Variants in CYP3A7 observed in about 807,000 individuals in gnomAD.
CYP3A7 encodes the protein cytochrome P450 family 3 subfamily A member 7.
In CYP3A7, 45 loss-of-function variants were observed where a neutral mutation model predicts 55.2. The observed-to-expected ratio is 0.82, with a 90% CI of 0.64 to 1.05. CYP3A7 has a LOEUF of 1.05. Ranked by LOEUF, CYP3A7 falls within the 50% of genes least tolerant of loss-of-function variation. The pLI, the probability that CYP3A7 is intolerant of heterozygous loss-of-function variation, is 0.00. For missense variants in CYP3A7, 548 were observed against 605.3 expected (o/e 0.91, Z 0.99); for synonymous variants, 180 against 207.4 (o/e 0.87, Z 1.13).
At chr7:99,716,036 G>A (rs1813933450) in intron 6 of CYP3A7, 130 bp from the exon 7 acceptor site, 1 of 1,559,410 alleles carries the variant, frequency 6.4e-7, no homozygotes. Context: ...ACTATTTACT[G>A]GAGCATCTCC....
intron 4 of CYP3A7, among the ~76,000 whole-genome samples, chr7:99,719,124 GTTTA>G (rs1053037815): frequency 2.0e-5 from 3 of 152,186 alleles, no homozygotes; most frequent in African/African-American, 7.2e-5. Flanking sequence ...ATAACAGCAT[GTTTA>G]TTTATAGACA....
chr7:99,735,081 G>T lies in CYP3A7; in HGVS notation c.13C>A (p.Pro5Thr). ...AGCCAGGTTTCCACGGCCAAGTTTG[G>T]GATGAGATCCATCACTACTTTCCTT... MDLIPNLAVETWLLL... is the reference protein window; with the variant it reads MDLITNLAVETWLLL... The change falls in exon 1 of 13, where the codon CCA (proline) becomes ACA (threonine). Residue 5 changes from proline to threonine, a missense_variant. Transcript: ENST00000336374. 2.5e-6 allele frequency: 4 copies of T among 1,614,022 alleles called. No individual in the cohort carries two copies. Among genetic ancestry groups the T allele is most frequent in the Non-Finnish European group, 3.4e-6 (4 of 1,179,946 alleles).
At chr7:99,721,663 G>T (rs1398135554) in intron 3 of CYP3A7, among the ~76,000 whole-genome samples, 1 of 152,166 alleles carries the variant, frequency 6.6e-6, no homozygotes, top group African/African-American at 2.4e-5. Flanking sequence ...GGTGACATAT[G>T]GGATCCTTGG....
chr7:99,729,683 A>G (rs776198042), intron 2 of CYP3A7, among the ~76,000 whole-genome samples: 12 of 152,198 alleles, frequency 7.9e-5, no homozygotes, highest in Non-Finnish European at 8.8e-5. Flanking sequence ...ACCTGGTGAC[A>G]TTCTTCTCTG....
chr7:99,708,065 C>G (rs1813590465), intron 11 of CYP3A7, 91 bp from the exon 12 acceptor site: 3 of 1,564,600 alleles, frequency 1.9e-6, no homozygotes. Flanking sequence ...GCCCACCCCT[C>G]TACTAGCAGT....
At chr7:99,729,925 G>A (rs182062370) in intron 2 of CYP3A7, among the ~76,000 whole-genome samples, 63 of 152,258 alleles carry the variant, frequency 4.1e-4, no homozygotes, top group African/African-American at 1.5e-3. Flanking sequence ...TCACACGGAC[G>A]CATGTGAAAG....
chr7:99,710,999 T>G (rs1220328179), intron 9 of CYP3A7, 107 bp from the exon 10 acceptor site: 2 of 1,573,612 alleles, frequency 1.3e-6, no homozygotes, highest in African/African-American at 2.7e-5. Flanking sequence ...GGGGAAAAAA[T>G]AGAAAAGCAA....
At chr7:99,733,679 T>C (rs189178773) in intron 1 of CYP3A7, among the ~76,000 whole-genome samples, 43 of 152,280 alleles carry the variant, frequency 2.8e-4, no homozygotes, top group African/African-American at 8.9e-4. Context: ...GTCCTTCAAG[T>C]GACCTCCACT....
At chr7:99,710,971 G>A in intron 9 of CYP3A7, 79 bp from the exon 10 acceptor site, 4 of 1,606,688 alleles carry the variant, frequency 2.5e-6, no homozygotes, top group East Asian at 4.5e-5. Flanking sequence ...AAATCTAAGT[G>A]GAACCTTCAA....
At chr7:99,731,284 A>T (rs1453191063) in intron 1 of CYP3A7, 132 bp from the exon 2 acceptor site, 1 of 979,592 alleles carries the variant, frequency 1.0e-6, no homozygotes, top group African/African-American at 1.7e-5. Flanking sequence ...AATAACAGTA[A>T]CTCTGACGGC....
intron 3 of CYP3A7, among the ~76,000 whole-genome samples, chr7:99,722,082 T>C (rs1814224148): frequency 6.6e-6 from 1 of 152,210 alleles, no homozygotes; most frequent in Non-Finnish European, 1.5e-5. Flanking sequence ...TTTACCTCCC[T>C]GAATTTGCAC....
At chr7:99,728,265 C>G (rs1814490446) in intron 2 of CYP3A7, among the ~76,000 whole-genome samples, 1 of 152,200 alleles carries the variant, frequency 6.6e-6, no homozygotes, top group Admixed American at 6.5e-5. Flanking sequence ...CCTCCTAGAA[C>G]TTCTCATTTC....
At chr7:99,728,870 G>A (rs999854368) in intron 2 of CYP3A7, among the ~76,000 whole-genome samples, 1 of 151,944 alleles carries the variant, frequency 6.6e-6, no homozygotes, top group African/African-American at 2.4e-5. Flanking sequence ...TAGCATTACA[G>A]ATACATCACA....
In CYP3A7 at chr7:99,709,033, A is replaced by G. The variant is rs1185536107; in HGVS notation, c.1253+2T>C. On this transcript the variant is annotated splice_donor_variant, in intron 11 of 12. Transcript: ENST00000336374. LOFTEE classifies it high-confidence loss of function. Reference sequence around the variant, plus strand: ...AGGGCTCCCTTCCCAGGGGCCTCCTACCTTTCAGGGAGGAACTTCTCAGGC... The same window carrying G: ...AGGGCTCCCTTCCCAGGGGCCTCCTGCCTTTCAGGGAGGAACTTCTCAGGC... The G allele has an allele frequency of 6.2e-7, 1 of 1,613,904 alleles. No individual in the cohort carries two copies. The highest frequency in any genetic ancestry group is 2.2e-5 in the East Asian group (1 of 44,856).
intron 2 of CYP3A7, among the ~76,000 whole-genome samples, chr7:99,726,511 A>T (rs1341380839): frequency 1.3e-5 from 2 of 152,086 alleles, no homozygotes; most frequent in Non-Finnish European, 2.9e-5. Context: ...TCCATTCTTG[A>T]TCTTAAAGAT....
At chr7:99,720,828 A>G (rs1814169070) in intron 3 of CYP3A7, 1 of 192,054 alleles carries the variant, frequency 5.2e-6, no homozygotes, top group South Asian at 1.1e-4. Flanking sequence ...AAATCATCAA[A>G]TGCTCACAAG....
intron 2 of CYP3A7, among the ~76,000 whole-genome samples, chr7:99,724,696 C>T (rs549274164): frequency 1.3e-5 from 2 of 152,238 alleles, no homozygotes; most frequent in South Asian, 4.2e-4. Flanking sequence ...GAGACTAGCC[C>T]TCCTCCACCT....
chr7:99,706,294 A>G (rs1402846877), intron 12 of CYP3A7, among the ~76,000 whole-genome samples: 6 of 152,168 alleles, frequency 3.9e-5, no homozygotes, highest in Non-Finnish European at 7.3e-5. Context: ...GAAAATTGCC[A>G]TGGAGATCCA....
Position 99,720,496 on chromosome 7 carries a change from C to T in CYP3A7, c.219-84G>A, listed in dbSNP as rs927295125. ...AAACCCAGGAAGCCAGACTTTGATC[C>T]GGACATTACATAATCCTCTAGATGT... On this transcript the variant is annotated intron_variant, in intron 3 of 12. Transcript: ENST00000336374. The T allele has an allele frequency of 3.7e-5, 53 of 1,441,280 alleles. 1 individual carries two copies. In the Admixed American group the frequency reaches 4.2e-4, roughly 12 times the overall value. The allele number at this position is 1,441,280 out of a possible 1,614,324, so 89.3% of individuals were successfully genotyped here. A position where few individuals can be genotyped will look rare whatever the true frequency, so the allele number is the denominator to read the frequency against.
Sources: allele counts gnomAD v4.1 joint callset (sites outside exome capture counted in the v4.1 genomes callset), GRCh38; gene constraint gnomAD v4.1.1; transcripts MANE v1.5; gene names NCBI Gene and HGNC (gene_info 2026-07-23, HGNC 2026-07-21).